The following THADA variants were observed in gnomAD, a reference collection of about 807,000 sequenced individuals.
The protein encoded by THADA is tRNA (32-2'-O)-methyltransferase regulator THADA.
Under a neutral mutation model 219.8 loss-of-function variants are expected in THADA, and 213 were observed. That is an observed-to-expected ratio of 0.97 (90% CI 0.87 to 1.09). The LOEUF is 1.09. Ranked by LOEUF, THADA falls within the 50% of genes least tolerant of loss-of-function variation. The pLI is 0.00. For synonymous variants in THADA, 1,018 were observed against 828.9 expected (o/e 1.23, Z -3.92); for missense variants, 2,956 against 2,311.3 (o/e 1.28, Z -5.72).
chr2:43,492,782 A>G (rs940000208), intron 25 of THADA, among the ~76,000 whole-genome samples: 31 of 152,224 alleles, frequency 2.0e-4, no homozygotes, highest in African/African-American at 7.5e-4. Context: ...CTATGATTAA[A>G]GGGAGGGCCA....
intron 17 of THADA, among the ~76,000 whole-genome samples, chr2:43,552,616 T>A (rs936685189): frequency 6.6e-6 from 1 of 152,146 alleles, no homozygotes; most frequent in Non-Finnish European, 1.5e-5. Flanking sequence ...CCCAGGCTGA[T>A]GTGGCATGTG....
chr2:43,350,188 C>A (rs1213433345), intron 29 of THADA, among the ~76,000 whole-genome samples: 1 of 152,080 alleles, frequency 6.6e-6, no homozygotes, highest in South Asian at 2.1e-4. Context: ...TTCATACAAA[C>A]AGAACTGCAG....
chr2:43,586,282 G>T, intron 7 of THADA, 119 bp downstream of exon 7: 1 of 847,692 alleles, frequency 1.2e-6, no homozygotes, highest in Non-Finnish European at 1.7e-6. Context: ...ATATAAAAGT[G>T]ATAATATTAA....
chr2:43,450,804 A>C (rs768102947), intron 26 of THADA, among the ~76,000 whole-genome samples: 26 of 152,228 alleles, frequency 1.7e-4, no homozygotes, highest in Non-Finnish European at 3.1e-4. Flanking sequence ...CCATATAAAT[A>C]GTAACGGAAG....
intron 25 of THADA, among the ~76,000 whole-genome samples, chr2:43,489,778 G>A (rs1294225736): frequency 6.7e-6 from 1 of 149,914 alleles, no homozygotes; most frequent in Non-Finnish European, 1.5e-5. Context: ...ATTAAGTTTT[G>A]AAATTGGGAC....
intron 36 of THADA, among the ~76,000 whole-genome samples, chr2:43,273,179 G>A (rs1672323176): frequency 1.3e-5 from 2 of 151,832 alleles, no homozygotes; most frequent in Non-Finnish European, 1.5e-5. Flanking sequence ...AACCCGGGAG[G>A]CGGAGGTTGC....
At chr2:43,246,451 C>T (rs183242968) in intron 36 of THADA, among the ~76,000 whole-genome samples, 9 of 152,068 alleles carry the variant, frequency 5.9e-5, no homozygotes, top group Admixed American at 4.6e-4. Flanking sequence ...GCTTAGATTG[C>T]GCCACTGCAC....
chr2:43,372,555 C>A (rs1670924109), intron 29 of THADA, among the ~76,000 whole-genome samples: 1 of 152,082 alleles, frequency 6.6e-6, no homozygotes, highest in Non-Finnish European at 1.5e-5. Context: ...GGGAACTTTG[C>A]ATTGCAGAGT....
chr2:43,556,384 C>T lies in THADA; in HGVS notation c.2635G>A (p.Asp879Asn), dbSNP rs1266198923. The change falls in exon 17 of 38, where the codon GAT becomes AAT. Residue 879 changes from aspartate to asparagine, a missense_variant. Transcript: ENST00000405975. ...LTQQVACDNGDRPAAVVERNT... is the reference protein window; with the variant it reads ...LTQQVACDNGNRPAAVVERNT... ...CTTTCCACCACAGCAGCAGGCCTAT[C>T]TCCATTATCACATGCAACTTGCTGA... 8.7e-6 allele frequency: 14 copies of T among 1,613,784 alleles called. No individual in the cohort carries two copies. Among genetic ancestry groups the T allele is most frequent in the Non-Finnish European group, 1.2e-5 (14 of 1,179,844 alleles).
intron 30 of THADA, among the ~76,000 whole-genome samples, chr2:43,323,382 C>G (rs185271771): frequency 7.4e-4 from 112 of 152,222 alleles, no homozygotes; most frequent in Non-Finnish European, 1.1e-3. Context: ...TTAACCCTGC[C>G]CCTATCTTTT....
rs139128684 is a variant in THADA at position 43,291,175 on chromosome 2, C to T, written c.5010+521G>A. Reference sequence around the variant, plus strand: ...AAAAAAATGCCTAAAACAGGCTGGGCGCAGTGGCCCACATCTGTAATCTCA... The same window carrying T: ...AAAAAAATGCCTAAAACAGGCTGGGTGCAGTGGCCCACATCTGTAATCTCA... On this transcript the variant is annotated intron_variant, in intron 34 of 37. Transcript: ENST00000405975. Among the ~76,000 whole-genome samples, 511 of 151,932 alleles carry T rather than the reference C, an allele frequency of 3.4e-3. 2 individuals carry two copies. Among genetic ancestry groups the T allele is most frequent in the African/African-American group, 0.011 (462 of 41,422 alleles).
At chr2:43,333,443 T>C (rs1324558854) in intron 30 of THADA, among the ~76,000 whole-genome samples, 1 of 151,580 alleles carries the variant, frequency 6.6e-6, no homozygotes, top group Non-Finnish European at 1.5e-5. Flanking sequence ...TGAAAAGCAG[T>C]TACTACCTCT....
At chr2:43,347,360 T>C (rs780350002) in intron 29 of THADA, among the ~76,000 whole-genome samples, 1 of 152,218 alleles carries the variant, frequency 6.6e-6, no homozygotes, top group Non-Finnish European at 1.5e-5. Flanking sequence ...GCTCCCTCTC[T>C]TCCAGCCCCA....
At chr2:43,416,706 G>C (rs539466530) in intron 28 of THADA, among the ~76,000 whole-genome samples, 1 of 152,114 alleles carries the variant, frequency 6.6e-6, no homozygotes, top group South Asian at 2.1e-4. Flanking sequence ...GGTAACCTTT[G>C]GATAATTATG....
intron 7 of THADA, among the ~76,000 whole-genome samples, chr2:43,584,757 G>C (rs1700830997): frequency 6.6e-6 from 1 of 152,104 alleles, no homozygotes; most frequent in Non-Finnish European, 1.5e-5. Context: ...GTCCCAAATG[G>C]CTCAGAAACT....
chr2:43,269,509 C>A (rs1200874596), intron 36 of THADA, among the ~76,000 whole-genome samples: 1 of 152,164 alleles, frequency 6.6e-6, no homozygotes, highest in Non-Finnish European at 1.5e-5. Context: ...GGAGCCGCTG[C>A]CAGTGACGCA....
chr2:43,341,728 T>A (rs901570566), intron 30 of THADA, among the ~76,000 whole-genome samples: 1 of 152,162 alleles, frequency 6.6e-6, no homozygotes, highest in African/African-American at 2.4e-5. Context: ...GAGGATAATT[T>A]CTGGACAGCT....
intron 26 of THADA, among the ~76,000 whole-genome samples, chr2:43,459,933 G>C (rs907818556): frequency 6.6e-6 from 1 of 152,128 alleles, no homozygotes; most frequent in African/African-American, 2.4e-5. Context: ...CAGCACGGAA[G>C]TCTCAAAAGC....
intron 29 of THADA, among the ~76,000 whole-genome samples, chr2:43,351,903 T>C (rs544221899): frequency 6.6e-6 from 1 of 152,326 alleles, no homozygotes; most frequent in East Asian, 1.9e-4. Context: ...GGGAGACTTG[T>C]CAAGGGCCCC....
Sources: allele counts gnomAD v4.1 joint callset (sites outside exome capture counted in the v4.1 genomes callset), GRCh38; gene constraint gnomAD v4.1.1; transcripts MANE v1.5; gene names NCBI Gene and HGNC (gene_info 2026-07-23, HGNC 2026-07-21).